The following ZNF385B variants were observed in gnomAD, a reference collection of about 807,000 sequenced individuals.
ZNF385B encodes the protein zinc finger protein 533.
ZNF385B carries 23 observed loss-of-function variants against 39.2 expected under a neutral mutation model. That is an observed-to-expected ratio of 0.59 (90% CI 0.42 to 0.83). The LOEUF (loss-of-function observed/expected upper bound fraction) is 0.83. ZNF385B is among the 40% of genes least tolerant of loss of function. The pLI is 0.00. For missense variants in ZNF385B, 552 were observed against 598.9 expected (o/e 0.92, Z 0.82); for synonymous variants, 205 against 222.6 (o/e 0.92, Z 0.70).
chr2:179,673,385 CTTAA>C (rs553480736), intron 3 of ZNF385B, among the ~76,000 whole-genome samples: 29 of 152,026 alleles, frequency 1.9e-4, no homozygotes, highest in Middle Eastern at 3.4e-3. Flanking sequence ...TCACAAATCT[CTTAA>C]TTAAAGTTAT....
At chr2:179,799,929 T>C (rs1163283573) in intron 1 of ZNF385B, among the ~76,000 whole-genome samples, 1 of 152,114 alleles carries the variant, frequency 6.6e-6, no homozygotes, top group Non-Finnish European at 1.5e-5. Context: ...AACTCAGTTA[T>C]AAATATCTGT....
chr2:179,750,314 A>G (rs1313261396), intron 3 of ZNF385B, among the ~76,000 whole-genome samples: 3 of 152,278 alleles, frequency 2.0e-5, no homozygotes, highest in Middle Eastern at 3.4e-3. Flanking sequence ...ATCAGTCTCA[A>G]TTAAATTTAT....
rs1249233459 is a variant in ZNF385B, at chr2:179,626,113, T to A, written c.299-81144A>T. 2.6e-5 allele frequency among the ~76,000 whole-genome samples: 4 copies of A among 152,168 alleles called. No homozygotes were observed. In the East Asian group the frequency reaches 7.7e-4, roughly 29 times the overall value. ...ATTTTACTTCACAACTCAGAATGTA[T>A]ACACATAGACATGCATGCACACCTG... On this transcript the variant is annotated intron_variant, in intron 3 of 9. Transcript: ENST00000410066.
At chr2:179,544,994 A>T in intron 3 of ZNF385B, 25 bp from the exon 4 acceptor site, 7 of 1,613,474 alleles carry the variant, frequency 4.3e-6, no homozygotes, top group Non-Finnish European at 5.9e-6. Flanking sequence ...ACAAAAATGA[A>T]TTCAATTTCT....
At chr2:179,713,091 A>T (rs1490884819) in intron 3 of ZNF385B, among the ~76,000 whole-genome samples, 3 of 152,210 alleles carry the variant, frequency 2.0e-5, no homozygotes, top group Non-Finnish European at 4.4e-5. Flanking sequence ...GGCTAATAAA[A>T]GTGTTCTGCG....
At chr2:179,750,152 C>T (rs985358318) in intron 3 of ZNF385B, among the ~76,000 whole-genome samples, 3 of 152,070 alleles carry the variant, frequency 2.0e-5, no homozygotes, top group Admixed American at 2.0e-4. Context: ...TTTTAGATTT[C>T]TGACACCATT....
chr2:179,551,402 G>A (rs1041996205), intron 3 of ZNF385B, among the ~76,000 whole-genome samples: 3 of 151,100 alleles, frequency 2.0e-5, no homozygotes, highest in Admixed American at 6.6e-5. Flanking sequence ...AGCTGCATAA[G>A]GTAGGGGCTG....
intron 1 of ZNF385B, among the ~76,000 whole-genome samples, chr2:179,841,564 AT>A (rs1290881060): frequency 6.6e-6 from 1 of 152,262 alleles, no homozygotes; most frequent in Non-Finnish European, 1.5e-5. Context: ...GGTCTGGATA[AT>A]TTTTTGCTGT....
chr2:179,757,565 G>A (rs984840321), intron 3 of ZNF385B, among the ~76,000 whole-genome samples: 1 of 152,210 alleles, frequency 6.6e-6, no homozygotes, highest in Admixed American at 6.5e-5. Flanking sequence ...CAGAGGTGGA[G>A]TCTACAGAGG....
chr2:179,733,696 T>C, intron 3 of ZNF385B, among the ~76,000 whole-genome samples: 1 of 146,546 alleles, frequency 6.8e-6, no homozygotes, highest in East Asian at 2.0e-4. Flanking sequence ...GGCCGGAGAA[T>C]GGCATGAACC....
chr2:179,760,172 G>T (rs912399266), intron 3 of ZNF385B, among the ~76,000 whole-genome samples: 8 of 150,918 alleles, frequency 5.3e-5, no homozygotes, highest in African/African-American at 1.9e-4. Flanking sequence ...ACATTGATCT[G>T]ATGTACAAAG....
chr2:179,761,667 C>T (rs1703395651), intron 3 of ZNF385B, among the ~76,000 whole-genome samples: 1 of 151,378 alleles, frequency 6.6e-6, no homozygotes, highest in African/African-American at 2.4e-5. Context: ...CAGCCTCGAC[C>T]TCTTGAGCCC....
chr2:179,803,584 A>G (rs917784920), intron 1 of ZNF385B, among the ~76,000 whole-genome samples: 3 of 152,226 alleles, frequency 2.0e-5, no homozygotes, highest in African/African-American at 7.2e-5. Flanking sequence ...TAAGATTTAT[A>G]AACTGTGCAT....
intron 3 of ZNF385B, among the ~76,000 whole-genome samples, chr2:179,587,061 A>G (rs1033139536): frequency 2.0e-5 from 3 of 150,700 alleles, no homozygotes; most frequent in African/African-American, 7.3e-5. Context: ...AAAAAAAATT[A>G]TGTATAATTT....
chr2:179,610,554 A>G (rs1689205184), intron 3 of ZNF385B, among the ~76,000 whole-genome samples: 1 of 152,088 alleles, frequency 6.6e-6, no homozygotes, highest in Non-Finnish European at 1.5e-5. Context: ...TTGTGATTTC[A>G]TGTAAATTTT....
At chr2:179,606,991 C>A (rs909972124) in intron 3 of ZNF385B, among the ~76,000 whole-genome samples, 4 of 152,094 alleles carry the variant, frequency 2.6e-5, no homozygotes, top group Non-Finnish European at 4.4e-5. Flanking sequence ...GTGGCTTCTC[C>A]TTTGATACCT....
chr2:179,696,847 A>C (rs910351388), intron 3 of ZNF385B, among the ~76,000 whole-genome samples: 1 of 152,182 alleles, frequency 6.6e-6, no homozygotes. Flanking sequence ...TATGTTAATT[A>C]TAATATTCTC....
intron 1 of ZNF385B, among the ~76,000 whole-genome samples, chr2:179,795,940 CA>C (rs1036826659): frequency 3.3e-5 from 5 of 151,792 alleles, no homozygotes; most frequent in African/African-American, 1.2e-4. Flanking sequence ...CCATTTAAAC[CA>C]AAAAAATAGA....
At chr2:179,771,920 T>C (rs2106508283) in intron 1 of ZNF385B, among the ~76,000 whole-genome samples, 1 of 152,310 alleles carries the variant, frequency 6.6e-6, no homozygotes, top group Non-Finnish European at 1.5e-5. Flanking sequence ...TACTCAATCA[T>C]TGAAACCTAA....
Sources: allele counts gnomAD v4.1 joint callset (sites outside exome capture counted in the v4.1 genomes callset), GRCh38; gene constraint gnomAD v4.1.1; transcripts MANE v1.5; gene names NCBI Gene and HGNC (gene_info 2026-07-23, HGNC 2026-07-21).